The following MYOM2 variants were observed in gnomAD, a reference collection of about 807,000 sequenced individuals.
The protein encoded by MYOM2 is myomesin 2.
In MYOM2, 254 loss-of-function variants were observed where a neutral mutation model predicts 187.6. That is an observed-to-expected ratio of 1.35 (90% confidence interval 1.22 to 1.50). MYOM2 has a LOEUF of 1.50. MYOM2 is among the 40% of genes most tolerant of loss of function. MYOM2 has a pLI of 0.00. For synonymous variants in MYOM2, 981 were observed against 753.8 expected (o/e 1.30, Z -4.94); for missense variants, 2,796 against 1,924.0 (o/e 1.45, Z -8.48).
At chr8:2,084,087 G>A (rs938518930) in intron 13 of MYOM2, among the ~76,000 whole-genome samples, 4 of 152,160 alleles carry the variant, frequency 2.6e-5, no homozygotes, top group Admixed American at 6.5e-5. Flanking sequence ...TTGGAATTTC[G>A]GCAAGTGTTA....
intron 33 of MYOM2, 95 bp downstream of exon 33, chr8:2,140,981 T>A: frequency 7.3e-7 from 1 of 1,363,542 alleles, no homozygotes; most frequent in Non-Finnish European, 9.9e-7. Context: ...CAAGAGACAA[T>A]ATGAATTTAC....
chr8:2,081,461 C>G (rs574808623), intron 13 of MYOM2, among the ~76,000 whole-genome samples: 49 of 152,352 alleles, frequency 3.2e-4, no homozygotes, highest in Admixed American at 2.7e-3. Flanking sequence ...GGCAGTCCCC[C>G]TTCTCACTCC....
intron 20 of MYOM2, among the ~76,000 whole-genome samples, chr8:2,101,506 C>T (rs953119621): frequency 1.3e-5 from 2 of 152,210 alleles, no homozygotes; most frequent in Admixed American, 6.5e-5. Flanking sequence ...ATGACCGGGG[C>T]GTGGCTGCTG....
intron 28 of MYOM2, among the ~76,000 whole-genome samples, chr8:2,122,238 C>A (rs1316090729): frequency 6.6e-6 from 1 of 152,202 alleles, no homozygotes; most frequent in African/African-American, 2.4e-5. Context: ...CAGCCGCAGT[C>A]CATTCTAAGA....
chr8:2,137,798 T>C (rs960281044), intron 32 of MYOM2, among the ~76,000 whole-genome samples: 12 of 152,164 alleles, frequency 7.9e-5, no homozygotes, highest in African/African-American at 2.7e-4. Context: ...ATTTGCTGAT[T>C]GGTCTGTAAA....
chr8:2,109,273 C>A, intron 24 of MYOM2, 122 bp from the exon 25 acceptor site: 1 of 1,163,790 alleles, frequency 8.6e-7, no homozygotes, highest in Non-Finnish European at 1.2e-6. Context: ...TAATCTAATA[C>A]TCCAGGGTTT....
At position 2,143,370 on chromosome 8, in the gene MYOM2, T is replaced by C. The variant is rs370112912; in HGVS notation, c.4025-31T>C. The C allele has an allele frequency of 1.1e-4, 184 of 1,614,128 alleles. No individual in the cohort carries two copies. The African/African-American group carries it at 2.3e-3, about 20-fold the overall frequency. On this transcript the variant is annotated intron_variant, in intron 35 of 36. Coordinates refer to ENST00000262113, the MANE Select transcript of MYOM2 (RefSeq NM_003970.4). The stretch of plus-strand genomic sequence containing the variant: ...GCTCCGTGGGAACGTCCCGCAGATG[T>C]TTTCCTAACCAAGGTGCTTTCCCGT...
chr8:2,117,674 C>T (rs568835244), intron 27 of MYOM2, among the ~76,000 whole-genome samples: 8 of 152,152 alleles, frequency 5.3e-5, no homozygotes, highest in Non-Finnish European at 1.0e-4. Context: ...TAACACGTGT[C>T]GACATCCCAG....
chr8:2,127,372 C>T (rs971831897), intron 31 of MYOM2, among the ~76,000 whole-genome samples: 1 of 152,176 alleles, frequency 6.6e-6, no homozygotes, highest in Non-Finnish European at 1.5e-5. Flanking sequence ...GTCCTGAGCT[C>T]ACTCGGTTCC....
At chr8:2,135,235 C>T (rs1280571176) in intron 32 of MYOM2, among the ~76,000 whole-genome samples, 1 of 152,134 alleles carries the variant, frequency 6.6e-6, no homozygotes, top group Non-Finnish European at 1.5e-5. Context: ...TACTAGAGTT[C>T]AGTGTTTCCT....
intron 3 of MYOM2, among the ~76,000 whole-genome samples, chr8:2,055,775 G>T (rs1422903049): frequency 6.6e-6 from 1 of 152,180 alleles, no homozygotes; most frequent in African/African-American, 2.4e-5. Flanking sequence ...CTGGGTCTCG[G>T]ACAGGCCTTA....
chr8:2,076,204 A>T lies in MYOM2; in HGVS notation c.1184A>T (p.Asn395Ile), dbSNP rs199659384. The change falls in exon 11 of 37, where the codon AAC becomes ATC. Residue 395 changes from asparagine (N) to isoleucine (I), a missense_variant. Transcript: ENST00000262113. ...APMDLQCHDANRDYVIVTWKP... is the reference protein window; with the variant it reads ...APMDLQCHDAIRDYVIVTWKP... ...ATGGACTTGCAGTGCCACGACGCCA[A>T]CCGGGACTACGTCATCGTGACCTGG... The T allele has an allele frequency of 1.8e-5, 29 of 1,613,584 alleles. No individual in the cohort carries two copies. Among genetic ancestry groups the T allele is most frequent in the Non-Finnish European group, 2.1e-5 (25 of 1,179,914 alleles).
At chr8:2,130,027 A>C (rs931244449) in intron 32 of MYOM2, among the ~76,000 whole-genome samples, 1 of 152,012 alleles carries the variant, frequency 6.6e-6, no homozygotes, top group African/African-American at 2.4e-5. Flanking sequence ...TGTTCAGGCC[A>C]ATTATTTGAT....
intron 15 of MYOM2, among the ~76,000 whole-genome samples, chr8:2,090,858 C>T (rs985395571): frequency 1.3e-5 from 2 of 152,160 alleles, no homozygotes; most frequent in Non-Finnish European, 1.5e-5. Flanking sequence ...TTTTCTCTAT[C>T]CAATGTCATT....
chr8:2,083,428 T>G (rs71499060), intron 13 of MYOM2, among the ~76,000 whole-genome samples: 2 of 150,780 alleles, frequency 1.3e-5, no homozygotes, highest in Admixed American at 1.3e-4. Flanking sequence ...TGCTTAGCAG[T>G]ATCTCATGTG....
At chr8:2,137,389 G>A (rs550050414) in intron 32 of MYOM2, among the ~76,000 whole-genome samples, 2 of 152,048 alleles carry the variant, frequency 1.3e-5, no homozygotes, top group East Asian at 3.9e-4. Flanking sequence ...TTCTTCGCAA[G>A]CGGGGAGCTC....
intron 1 of MYOM2, among the ~76,000 whole-genome samples, chr8:2,050,500 A>G (rs1197904596): frequency 2.0e-5 from 3 of 152,370 alleles, no homozygotes; most frequent in East Asian, 1.9e-4. Context: ...TGAGTTCACA[A>G]TGAAATGAAA....
At chr8:2,068,617 C>T (rs769383792) in intron 6 of MYOM2, among the ~76,000 whole-genome samples, 23 of 151,818 alleles carry the variant, frequency 1.5e-4, no homozygotes, top group African/African-American at 2.7e-4. Flanking sequence ...GCATCCTGGG[C>T]GCAGCTCTTC....
At chr8:2,103,655 G>T (rs1175112446) in intron 21 of MYOM2, among the ~76,000 whole-genome samples, 1 of 150,526 alleles carries the variant, frequency 6.6e-6, no homozygotes, top group Non-Finnish European at 1.5e-5. Flanking sequence ...TGTATTATGT[G>T]TATATGTGTA....
Sources: gnomAD v4.1 joint callset for allele counts (sites outside exome capture counted in the v4.1 genomes callset) on GRCh38, gnomAD v4.1.1 for gene constraint, MANE v1.5 for transcripts, NCBI Gene and HGNC (gene_info 2026-07-23, HGNC 2026-07-21) for gene names.